TEX9: variants seen among roughly 807,000 people sequenced by gnomAD.
TEX9 encodes testis expressed 9.
TEX9 carries 74 observed loss-of-function variants against 59.6 expected under a neutral mutation model. That is an observed-to-expected ratio of 1.24 (90% CI 1.03 to 1.51). The LOEUF is 1.51. Ranked by LOEUF, TEX9 falls within the 40% of genes most tolerant of loss-of-function variation. TEX9 has a pLI of 0.00. For missense variants in TEX9, 522 were observed against 447.8 expected (o/e 1.17, Z -1.49); for synonymous variants, 186 against 152.2 (o/e 1.22, Z -1.64).
chr15:56,432,763 A>G (rs1197337303), intron 12 of TEX9, among the ~76,000 whole-genome samples: 9 of 152,198 alleles, frequency 5.9e-5, no homozygotes, highest in Non-Finnish European at 1.3e-4. Flanking sequence ...CTGAGAACAG[A>G]TGAGCTCCAA....
At chr15:56,389,717 A>G (rs969210967) in intron 6 of TEX9, among the ~76,000 whole-genome samples, 2 of 151,662 alleles carry the variant, frequency 1.3e-5, no homozygotes, top group East Asian at 3.9e-4. Flanking sequence ...ATCTCTGCCT[A>G]GTTCTCCCAA....
chr15:56,286,546 A>G (rs1197058646), intron 1 of TEX9, among the ~76,000 whole-genome samples: 1 of 152,188 alleles, frequency 6.6e-6, no homozygotes, highest in African/African-American at 2.4e-5. Flanking sequence ...GCAGCAGAGC[A>G]CATCTAGAAT....
intron 9 of TEX9, among the ~76,000 whole-genome samples, chr15:56,406,003 A>G (rs1451845657): frequency 6.6e-6 from 1 of 152,178 alleles, no homozygotes; most frequent in East Asian, 1.9e-4. Flanking sequence ...TTATAATTCA[A>G]TAAGTTTTCA....
At chr15:56,333,811 C>G (rs868245112) in intron 1 of TEX9, among the ~76,000 whole-genome samples, 5 of 151,978 alleles carry the variant, frequency 3.3e-5, no homozygotes, top group African/African-American at 1.2e-4. Context: ...AGAAATGATA[C>G]AGTCAGTTAA....
chr15:56,445,437 G>C (rs998482800), intron 12 of TEX9, among the ~76,000 whole-genome samples: 7 of 151,948 alleles, frequency 4.6e-5, no homozygotes, highest in African/African-American at 1.4e-4. Flanking sequence ...ATGATGGAAT[G>C]GTCAGCAGCA....
intron 1 of TEX9, among the ~76,000 whole-genome samples, chr15:56,275,355 A>G (rs935582782): frequency 6.6e-6 from 1 of 152,050 alleles, no homozygotes; most frequent in African/African-American, 2.4e-5. Flanking sequence ...CTTGGTTACT[A>G]CCATTTTCTA....
At chr15:56,369,544 A>G (rs2047096462) in intron 2 of TEX9, among the ~76,000 whole-genome samples, 1 of 152,088 alleles carries the variant, frequency 6.6e-6, no homozygotes, top group Non-Finnish European at 1.5e-5. Context: ...CATGTTGCCC[A>G]GGCTGGTCTT....
chr15:56,379,122 G>GAA (rs1423129408), intron 3 of TEX9, among the ~76,000 whole-genome samples: 17 of 150,196 alleles, frequency 1.1e-4, no homozygotes, highest in African/African-American at 4.2e-4. Flanking sequence ...GAAAGAAAAA[G>GAA]AAAAGATGCA....
At chr15:56,384,681 A>G (rs2142181436) in intron 4 of TEX9, among the ~76,000 whole-genome samples, 1 of 152,304 alleles carries the variant, frequency 6.6e-6, no homozygotes, top group Middle Eastern at 3.4e-3. Flanking sequence ...CTTAGCAGTT[A>G]GGTGGGAGCC....
chr15:56,437,323 A>T (rs1329296268), intron 12 of TEX9, among the ~76,000 whole-genome samples: 1 of 152,216 alleles, frequency 6.6e-6, no homozygotes, highest in African/African-American at 2.4e-5. Flanking sequence ...ACACAAATCA[A>T]TAAATGTAAT....
At chr15:56,265,778 G>A (rs1175002735) in intron 1 of TEX9, among the ~76,000 whole-genome samples, 5 of 151,832 alleles carry the variant, frequency 3.3e-5, no homozygotes, top group Admixed American at 6.6e-5. Flanking sequence ...TCTTGGTGAA[G>A]GTTTCATATT....
chr15:56,439,055 A>C (rs538051165), intron 12 of TEX9, among the ~76,000 whole-genome samples: 1 of 152,038 alleles, frequency 6.6e-6, no homozygotes, highest in Non-Finnish European at 1.5e-5. Context: ...CTATGTAGGG[A>C]AAAAAAATCC....
chr15:56,262,134 A>G (rs78536586), intron 1 of TEX9, among the ~76,000 whole-genome samples: 2,080 of 152,368 alleles, frequency 0.014, 40 homozygotes, highest in African/African-American at 0.04. Flanking sequence ...CACGAGAACC[A>G]GGAAGCAAAA....
intron 10 of TEX9, among the ~76,000 whole-genome samples, chr15:56,419,061 A>G (rs1187434022): frequency 6.6e-6 from 1 of 151,818 alleles, no homozygotes; most frequent in Non-Finnish European, 1.5e-5. Context: ...GCCTTCTTCA[A>G]TTTTTCCAAG....
chr15:56,453,606 GTGT>G, the TEX9 span, among the ~76,000 whole-genome samples: 6 of 152,162 alleles, frequency 3.9e-5, no homozygotes, highest in Non-Finnish European at 8.8e-5. Context: ...ATAACAGTAT[GTGT>G]TAACTGTGTA....
rs183669027 is a variant in TEX9, at chr15:56,391,962, A to G, written c.571+544A>G. On this transcript the variant is annotated intron_variant, in intron 7 of 12. Coordinates refer to ENST00000352903, the Ensembl canonical transcript of TEX9. Reference sequence around the variant, plus strand: ...TTCTTTGCATATCACTAGAATAATAATACTAAATTTTGATCAACTGAAAAC... The same window carrying G: ...TTCTTTGCATATCACTAGAATAATAGTACTAAATTTTGATCAACTGAAAAC... Among the ~76,000 whole-genome samples, 14 of 152,240 alleles carry G rather than the reference A, an allele frequency of 9.2e-5. No individual in the cohort carries two copies. In the East Asian group the frequency reaches 2.5e-3, roughly 27 times the overall value.
intron 4 of TEX9, among the ~76,000 whole-genome samples, chr15:56,388,099 G>T (rs978099886): frequency 1.3e-5 from 2 of 151,974 alleles, no homozygotes; most frequent in African/African-American, 4.8e-5. Context: ...GGTGTTTTAA[G>T]TGGATTAAAA....
intron 10 of TEX9, among the ~76,000 whole-genome samples, chr15:56,426,146 A>G (rs544712450): frequency 1.8e-4 from 28 of 152,016 alleles, no homozygotes; most frequent in Non-Finnish European, 3.2e-4. Flanking sequence ...GCAGCTTCCA[A>G]CCTGATATCC....
chr15:56,446,908 G>A (rs746203131), downstream of TEX9: 1 of 1,609,488 alleles, frequency 6.2e-7, no homozygotes, highest in Non-Finnish European at 8.5e-7. Flanking sequence ...CATGTAAGCT[G>A]CTTTTAATTT....
Sources: allele counts gnomAD v4.1 joint callset (sites outside exome capture counted in the v4.1 genomes callset), GRCh38; gene constraint gnomAD v4.1.1; transcripts MANE v1.5; gene names NCBI Gene and HGNC (gene_info 2026-07-23, HGNC 2026-07-21).